CSNK1G1: variants seen among roughly 807,000 people sequenced by gnomAD.
CSNK1G1 encodes the protein casein kinase 1 gamma 1.
Under a neutral mutation model 59.6 loss-of-function variants are expected in CSNK1G1, and 22 were observed. The observed-to-expected ratio is 0.37, with a 90% CI of 0.26 to 0.53. CSNK1G1 has a LOEUF of 0.53. Ranked by LOEUF, CSNK1G1 falls within the 20% of genes least tolerant of loss-of-function variation. CSNK1G1 has a pLI of 0.89. For synonymous variants in CSNK1G1, 179 were observed against 177.1 expected, an observed-to-expected ratio of 1.01 and a Z score of -0.08; for missense variants, 384 against 519.5, an observed-to-expected ratio of 0.74 and a Z score of 2.54.
At chr15:64,320,655 G>A (rs1325207129) in intron 1 of CSNK1G1, among the ~76,000 whole-genome samples, 1 of 147,848 alleles carries the variant, frequency 6.8e-6, no homozygotes, top group Non-Finnish European at 1.5e-5. Flanking sequence ...CTCCAGCCTG[G>A]GTGACAGAAC....
intron 7 of CSNK1G1, among the ~76,000 whole-genome samples, chr15:64,205,492 G>T (rs566857748): frequency 1.3e-5 from 2 of 152,348 alleles, no homozygotes. Flanking sequence ...AACAGGTTTG[G>T]TGTATGTCAG....
rs570124549 is a variant in CSNK1G1 at position 64,165,900 on chromosome 15, T to C, written c.*6031A>G. On this transcript the variant is annotated 3_prime_UTR_variant, in exon 12 of 12. Coordinates refer to ENST00000303052, the MANE Select transcript of CSNK1G1 (RefSeq NM_022048.5). ...TCACATATCAGAACCCATTTTCCATTTTCTCCAAAGAAGGCTACTTCCTCT... is the reference window on the plus strand; with the variant it reads ...TCACATATCAGAACCCATTTTCCATCTTCTCCAAAGAAGGCTACTTCCTCT... 48 of 509,982 alleles carry C rather than the reference T, an allele frequency of 9.4e-5. No individual in the cohort carries two copies. In the South Asian group the frequency reaches 1.4e-3, roughly 15 times the overall value. 31.6% of individuals were successfully genotyped at this position (509,982 alleles called of 1,614,324 possible). A position where few individuals can be genotyped will look rare whatever the true frequency, so the allele number is the denominator to read the frequency against.
At chr15:64,314,464 C>T (rs1296453311) in intron 1 of CSNK1G1, among the ~76,000 whole-genome samples, 1 of 151,058 alleles carries the variant, frequency 6.6e-6, no homozygotes, top group Non-Finnish European at 1.5e-5. Flanking sequence ...TATCCATTAC[C>T]TTAAATACTT....
At chr15:64,313,912 C>T (rs1896132290) in intron 1 of CSNK1G1, among the ~76,000 whole-genome samples, 1 of 151,508 alleles carries the variant, frequency 6.6e-6, no homozygotes, top group African/African-American at 2.4e-5. Context: ...TGAGTGCCTC[C>T]TATGTGCCTA....
At chr15:64,316,514 C>T (rs1298809017) in intron 1 of CSNK1G1, among the ~76,000 whole-genome samples, 6 of 117,224 alleles carry the variant, frequency 5.1e-5, no homozygotes, top group Non-Finnish European at 9.7e-5. Flanking sequence ...CCAGCCTGGA[C>T]GAGAGAGCAA....
chr15:64,276,112 C>T (rs961070824), intron 2 of CSNK1G1, among the ~76,000 whole-genome samples: 2 of 151,836 alleles, frequency 1.3e-5, no homozygotes, highest in African/African-American at 2.4e-5. Context: ...GCAGCCAGGG[C>T]CAAAAGAAAG....
chr15:64,218,636 A>AC, intron 4 of CSNK1G1, among the ~76,000 whole-genome samples: 1 of 150,884 alleles, frequency 6.6e-6, no homozygotes, highest in East Asian at 2.0e-4. Context: ...TGATCCATCC[A>AC]CCTCAGCCTC....
intron 1 of CSNK1G1, among the ~76,000 whole-genome samples, chr15:64,304,260 G>A (rs1259623254): frequency 6.6e-6 from 1 of 151,586 alleles, no homozygotes; most frequent in Non-Finnish European, 1.5e-5. Context: ...GTAGGCGCCT[G>A]TAATCCCAGC....
chr15:64,309,140 G>C (rs1489325971), intron 1 of CSNK1G1, among the ~76,000 whole-genome samples: 1 of 151,986 alleles, frequency 6.6e-6, no homozygotes, highest in African/African-American at 2.4e-5. Flanking sequence ...AGCAATTACA[G>C]TGCCCCTCTT....
intron 10 of CSNK1G1, among the ~76,000 whole-genome samples, chr15:64,193,229 C>T (rs566012109): frequency 2.6e-5 from 4 of 152,008 alleles, no homozygotes; most frequent in Admixed American, 2.0e-4. Flanking sequence ...TGGTGGCTCA[C>T]GCCTGTAATC....
chr15:64,285,878 G>A (rs1894382564), intron 2 of CSNK1G1, among the ~76,000 whole-genome samples: 1 of 151,686 alleles, frequency 6.6e-6, no homozygotes, highest in African/African-American at 2.4e-5. Flanking sequence ...AAAAAACGAT[G>A]ACTTGTAATT....
intron 2 of CSNK1G1, among the ~76,000 whole-genome samples, chr15:64,278,939 A>G (rs1327426289): frequency 1.3e-5 from 2 of 152,104 alleles, no homozygotes; most frequent in African/African-American, 4.8e-5. Context: ...AATTATTTGG[A>G]CAATTTCCTA....
intron 3 of CSNK1G1, among the ~76,000 whole-genome samples, chr15:64,253,355 TA>T: frequency 6.6e-6 from 1 of 151,762 alleles, no homozygotes; most frequent in South Asian, 2.1e-4. Flanking sequence ...AATCAATCAA[TA>T]AATAAAATAA....
chr15:64,294,051 T>C (rs1309210540), intron 2 of CSNK1G1, among the ~76,000 whole-genome samples: 1 of 152,294 alleles, frequency 6.6e-6, no homozygotes, highest in African/African-American at 2.4e-5. Context: ...AAACAAGATG[T>C]TCATGCTCTA....
rs146778235 is a variant in CSNK1G1 at position 64,246,285 on chromosome 15, A to G, written c.292+5227T>C. Among the ~76,000 whole-genome samples, 779 of 152,244 alleles carry G rather than the reference A, an allele frequency of 5.1e-3. 10 individuals carry two copies. The highest frequency in any genetic ancestry group is 0.017 in the African/African-American group (719 of 41,542). On this transcript the variant is annotated intron_variant, in intron 4 of 11. Coordinates refer to ENST00000303052, the MANE Select transcript of CSNK1G1 (RefSeq NM_022048.5). The stretch of plus-strand genomic sequence containing the variant: ...CAAGTTAACTGGCTTTCTCTGCCCA[A>G]TGAGATTTTGTTTTGACTACTGCAT...
At chr15:64,275,600 T>C (rs1424986572) in intron 2 of CSNK1G1, among the ~76,000 whole-genome samples, 1 of 152,150 alleles carries the variant, frequency 6.6e-6, no homozygotes, top group African/African-American at 2.4e-5. Context: ...AAGCTTAATA[T>C]CACTGGGATG....
intron 8 of CSNK1G1, 71 bp from the exon 9 acceptor site, chr15:64,204,660 G>T: frequency 6.9e-7 from 1 of 1,454,606 alleles, no homozygotes; most frequent in South Asian, 1.2e-5. Context: ...GGGAAGCATT[G>T]GGCCACAAAG....
intron 4 of CSNK1G1, among the ~76,000 whole-genome samples, chr15:64,225,061 T>C (rs2082440663): frequency 6.9e-6 from 1 of 145,614 alleles, no homozygotes; most frequent in Admixed American, 7.1e-5. Flanking sequence ...CAGGCTGGAG[T>C]ACAGTGGTGC....
intron 10 of CSNK1G1, among the ~76,000 whole-genome samples, chr15:64,199,269 A>AAG (rs1555499399): frequency 1.4e-5 from 2 of 143,172 alleles, no homozygotes; most frequent in African/African-American, 5.0e-5. Flanking sequence ...AAAAAAAAAA[A>AAG]AAAGAAAAAG....
Sources: allele counts gnomAD v4.1 joint callset (sites outside exome capture counted in the v4.1 genomes callset), GRCh38; gene constraint gnomAD v4.1.1; transcripts MANE v1.5; gene names NCBI Gene and HGNC (gene_info 2026-07-23, HGNC 2026-07-21).